GARNL3: variants seen among roughly 807,000 people sequenced by gnomAD.
The protein encoded by GARNL3 is GTPase activating Rap/RanGAP domain like 3.
GARNL3 carries 63 observed loss-of-function variants against 125.0 expected under a neutral mutation model. The observed-to-expected ratio is 0.50, with a 90% CI of 0.41 to 0.62. The LOEUF is 0.62. GARNL3 is among the 20% of genes least tolerant of loss of function. The pLI is 0.00. For synonymous variants in GARNL3, 439 were observed against 457.5 expected (o/e 0.96, Z 0.52); for missense variants, 994 against 1,244.0 (o/e 0.80, Z 3.02).
chr9:127,263,607 C>A, upstream of GARNL3: 1 of 814,772 alleles, frequency 1.2e-6, no homozygotes, highest in Non-Finnish European at 1.5e-6. Flanking sequence ...TGGAATAGAC[C>A]ATGGAGGGAA....
intron 22 of GARNL3, among the ~76,000 whole-genome samples, chr9:127,368,008 C>CTTTTTTTTTTTTTTTTTT (rs10573639): frequency 1.2e-5 from 1 of 81,886 alleles, no homozygotes; most frequent in Non-Finnish European, 2.3e-5. Context: ...CATAGACTTT[C>CTTTTTTTTTTTTTTTTTT]TTTTTTTTTT....
At chr9:127,337,634 C>T (rs1310566396) in intron 11 of GARNL3, among the ~76,000 whole-genome samples, 2 of 152,174 alleles carry the variant, frequency 1.3e-5, no homozygotes, top group Non-Finnish European at 2.9e-5. Context: ...CAGAATCTGC[C>T]ACCAGCTACA....
chr9:127,270,404 A>C (rs942397201), intron 1 of GARNL3, among the ~76,000 whole-genome samples: 8 of 152,232 alleles, frequency 5.3e-5, no homozygotes, highest in Non-Finnish European at 1.0e-4. Context: ...AAGCCCTACA[A>C]GAACCTATGT....
At chr9:127,374,067 C>T (rs538140070) in intron 22 of GARNL3, among the ~76,000 whole-genome samples, 24 of 151,998 alleles carry the variant, frequency 1.6e-4, no homozygotes, top group African/African-American at 5.1e-4. Context: ...TTTAGGAGGC[C>T]GAGGTGGGTG....
At chr9:127,340,291 G>T (rs992456975) in intron 13 of GARNL3, among the ~76,000 whole-genome samples, 1 of 152,104 alleles carries the variant, frequency 6.6e-6, no homozygotes, top group East Asian at 1.9e-4. Flanking sequence ...CACTCTACTG[G>T]TAATACCCAA....
rs771575304 is a variant in GARNL3, at chr9:127,393,243, G to A, written c.3031G>A (p.Asp1011Asn). ...GGCTTTCTCCGATGAAGACATTATA[G>A]ACTTGAAGTAACAGAGTTGAATCTC... ...LTAFSDEDII[D>N]LK Residue 1011 changes from aspartate to asparagine, a missense_variant, in exon 28 of 28, where the codon GAC becomes AAC. Transcript: ENST00000373387. 2 of 1,608,864 alleles carry A rather than the reference G, an allele frequency of 1.2e-6. No individual in the cohort carries two copies. Among genetic ancestry groups the A allele is most frequent in the Non-Finnish European group, 1.7e-6 (2 of 1,175,728 alleles).
chr9:127,264,962 G>C lies in GARNL3; in HGVS notation c.85G>C (p.Glu29Gln). The C allele has an allele frequency of 6.2e-7, 1 of 1,613,280 alleles. No individual in the cohort carries two copies. The highest frequency in any genetic ancestry group is 8.5e-7 in the Non-Finnish European group (1 of 1,179,564). ...MKHFCSSSVS[E>Q]DLGCRRGDFS... Reference sequence around the variant, plus strand: ...GCATTTTTGTTCCAGCTCTGTCTCGGAAGACCTAGGCTGTAGACGTGGGGA... The same window carrying C: ...GCATTTTTGTTCCAGCTCTGTCTCGCAAGACCTAGGCTGTAGACGTGGGGA... Residue 29 changes from glutamate to glutamine, a missense_variant, in exon 1 of 28, where the codon GAA becomes CAA. Around this residue, in one of 5 missense-constraint regions of GARNL3, gnomAD observed 37 missense variants for 34.2 expected, o/e 1.08. Transcript: ENST00000373387.
intron 1 of GARNL3, among the ~76,000 whole-genome samples, chr9:127,272,318 A>G (rs1413401377): frequency 6.7e-6 from 1 of 149,894 alleles, no homozygotes; most frequent in Non-Finnish European, 1.5e-5. Context: ...GGGAGAAATT[A>G]TATTCTATCT....
chr9:127,294,601 C>A (rs977924430), intron 2 of GARNL3, among the ~76,000 whole-genome samples: 1 of 152,224 alleles, frequency 6.6e-6, no homozygotes, highest in Non-Finnish European at 1.5e-5. Context: ...TGCGCCCGGC[C>A]TCCAGTGCTT....
intron 2 of GARNL3, among the ~76,000 whole-genome samples, chr9:127,304,917 A>G (rs151151538): frequency 1.4e-4 from 22 of 152,342 alleles, no homozygotes; most frequent in African/African-American, 4.1e-4. Context: ...AAATTGTGGT[A>G]TTCTTCCAGT....
At chr9:127,371,491 G>C (rs1159280244) in intron 22 of GARNL3, among the ~76,000 whole-genome samples, 1 of 152,214 alleles carries the variant, frequency 6.6e-6, no homozygotes, top group African/African-American at 2.4e-5. Context: ...ACAGTGTTGG[G>C]TGACAACGGG....
At position 127,386,319 on chromosome 9, in the gene GARNL3, C is replaced by T. The variant is rs1183209743; in HGVS notation, c.2389-874C>T. 2.0e-5 allele frequency among the ~76,000 whole-genome samples: 3 copies of T among 152,250 alleles called. No individual in the cohort carries two copies. The East Asian group carries it at 5.8e-4, about 29-fold the overall frequency. On this transcript the variant is annotated intron_variant, in intron 24 of 27. Transcript: ENST00000373387. Reference sequence around the variant, plus strand: ...CTGTACCAGACTAAACACACTTCTACGTTTCTTGTTCATTACTAGTACTTT... The same window carrying T: ...CTGTACCAGACTAAACACACTTCTATGTTTCTTGTTCATTACTAGTACTTT...
chr9:127,349,603 T>G (rs1830321606), intron 17 of GARNL3, among the ~76,000 whole-genome samples: 1 of 152,204 alleles, frequency 6.6e-6, no homozygotes, highest in Non-Finnish European at 1.5e-5. Context: ...TAGTCAGTTC[T>G]CTGTCGCCAC....
At chr9:127,271,052 T>C (rs1272849838) in intron 1 of GARNL3, among the ~76,000 whole-genome samples, 3 of 150,190 alleles carry the variant, frequency 2.0e-5, no homozygotes, top group Non-Finnish European at 4.4e-5. Context: ...CAGCAATGCT[T>C]GTGGACAGGG....
At chr9:127,232,488 G>A (rs994550625) in intron 1 of GARNL3, among the ~76,000 whole-genome samples, 1 of 151,872 alleles carries the variant, frequency 6.6e-6, no homozygotes, top group Non-Finnish European at 1.5e-5. Context: ...TTAAATTTTT[G>A]TGTAGAGATG....
chr9:127,313,463 C>A lies in GARNL3; in HGVS notation c.342C>A (p.Asn114Lys), dbSNP rs1001501053. The A allele has an allele frequency of 1.9e-6, 3 of 1,613,746 alleles. No individual in the cohort carries two copies. Among genetic ancestry groups the A allele is most frequent in the Non-Finnish European group, 1.7e-6 (2 of 1,179,640 alleles). ...LGQVHQNYIG[N>K]DAEKSPFFLS... ...CAGTCCATCAGAACTACATTGGAAA[C>A]GATGCCGAGAAGAGCCCTTTCTTCT... is the stretch of plus-strand genomic sequence containing the variant. Residue 114 changes from asparagine to lysine, a missense_variant, in exon 4 of 28, where the codon AAC becomes AAA. By Grantham distance (94) the Asn-to-Lys change is moderately conservative (BLOSUM62 0). Around this residue, in one of 5 missense-constraint regions of GARNL3, gnomAD observed 139 missense variants for 231.6 expected, o/e 0.60. Coordinates refer to ENST00000373387, the MANE Select transcript of GARNL3 (RefSeq NM_032293.5).
At chr9:127,365,178 A>C in intron 21 of GARNL3, 122 bp from the exon 22 acceptor site, 1 of 770,960 alleles carries the variant, frequency 1.3e-6, no homozygotes, top group Admixed American at 1.9e-5. Context: ...TGGGGCAGAC[A>C]TGACCCTATG....
chr9:127,279,143 C>T (rs1176955302), intron 1 of GARNL3, among the ~76,000 whole-genome samples: 2 of 152,064 alleles, frequency 1.3e-5, no homozygotes, highest in Non-Finnish European at 2.9e-5. Flanking sequence ...TGAGCCAGTT[C>T]CAATTCAGTT....
intron 2 of GARNL3, among the ~76,000 whole-genome samples, chr9:127,299,069 C>A (rs1215618572): frequency 6.6e-6 from 1 of 152,130 alleles, no homozygotes; most frequent in African/African-American, 2.4e-5. Flanking sequence ...ATAATCCCAG[C>A]ACTTTAGGAG....
Sources: allele counts gnomAD v4.1 joint callset (sites outside exome capture counted in the v4.1 genomes callset), GRCh38; gene constraint gnomAD v4.1.1; regional missense constraint gnomAD v4.1.1; transcripts MANE v1.5; gene names NCBI Gene and HGNC (gene_info 2026-07-23, HGNC 2026-07-21).